Variants in HS3ST5 observed in about 807,000 individuals in gnomAD.
The protein encoded by HS3ST5 is heparan sulfate-glucosamine 3-sulfotransferase 5, also known as heparan sulfate glucosamine 3-O-sulfotransferase 5.
A neutral mutation model predicts 25.4 loss-of-function variants in HS3ST5; 10 were observed. The observed-to-expected ratio is 0.39, with a 90% CI of 0.24 to 0.67. HS3ST5 has a LOEUF of 0.67. Among genes scored for constraint, HS3ST5 ranks in the 30% least tolerant of loss-of-function variants. The pLI, the probability that HS3ST5 is intolerant of heterozygous loss-of-function variation, is 0.44. For missense variants in HS3ST5, 324 were observed against 420.7 expected (o/e 0.77, Z 2.01); for synonymous variants, 170 against 162.4 (o/e 1.05, Z -0.36).
chr6:114,104,974 GAA>G (rs1035985765), intron 3 of HS3ST5, among the ~76,000 whole-genome samples: 1 of 146,162 alleles, frequency 6.8e-6, no homozygotes, highest in Non-Finnish European at 1.5e-5. Context: ...ACAGAAAAAG[GAA>G]AAAAAAAAGT....
At chr6:114,171,965 C>G (rs1474506468) in intron 2 of HS3ST5, among the ~76,000 whole-genome samples, 1 of 152,150 alleles carries the variant, frequency 6.6e-6, no homozygotes, top group African/African-American at 2.4e-5. Flanking sequence ...GCAGAATTCT[C>G]TAATATTTTA....
intron 3 of HS3ST5, among the ~76,000 whole-genome samples, chr6:114,154,843 T>G (rs1387504372): frequency 6.6e-6 from 1 of 152,186 alleles, no homozygotes; most frequent in Non-Finnish European, 1.5e-5. Context: ...ATCTCACTGA[T>G]AAGTCTTCCC....
chr6:114,190,407 T>C (rs1031243903), intron 2 of HS3ST5, among the ~76,000 whole-genome samples: 4 of 152,196 alleles, frequency 2.6e-5, no homozygotes, highest in Admixed American at 2.0e-4. Flanking sequence ...CATGATTACA[T>C]CTGCTTTCCA....
chr6:114,105,832 T>C (rs937284062), intron 3 of HS3ST5, among the ~76,000 whole-genome samples: 22 of 152,168 alleles, frequency 1.4e-4, no homozygotes, highest in African/African-American at 5.1e-4. Flanking sequence ...AAATAGAGCA[T>C]TTTGGGGTAA....
At chr6:114,174,404 T>A (rs1295892391) in intron 2 of HS3ST5, among the ~76,000 whole-genome samples, 2 of 151,370 alleles carry the variant, frequency 1.3e-5, no homozygotes, top group Non-Finnish European at 3.0e-5. Flanking sequence ...ACAATGTCTA[T>A]TTTTTTTACT....
chr6:114,325,917 G>A (rs2114897544), intron 1 of HS3ST5, among the ~76,000 whole-genome samples: 1 of 152,268 alleles, frequency 6.6e-6, no homozygotes, highest in East Asian at 1.9e-4. Context: ...CTCTGTGCCA[G>A]GCAATATTTT....
intron 3 of HS3ST5, among the ~76,000 whole-genome samples, chr6:114,117,082 C>G (rs1419085067): frequency 6.6e-6 from 1 of 152,102 alleles, no homozygotes; most frequent in Admixed American, 6.6e-5. Context: ...ATTCCTCCCC[C>G]TCCCCATTCC....
intron 3 of HS3ST5, among the ~76,000 whole-genome samples, chr6:114,115,481 C>T (rs1776476338): frequency 6.6e-6 from 1 of 152,008 alleles, no homozygotes; most frequent in African/African-American, 2.4e-5. Context: ...ACATATCTGT[C>T]CTATCATTAT....
At chr6:114,178,880 A>G (rs1779841248) in intron 2 of HS3ST5, 1 of 152,232 alleles carries the variant, frequency 6.6e-6, no homozygotes, top group Admixed American at 6.5e-5. Flanking sequence ...GGTTAAAAAA[A>G]AAAAGAAGGG....
At chr6:114,101,601 G>A (rs961147593) in intron 3 of HS3ST5, among the ~76,000 whole-genome samples, 14 of 150,266 alleles carry the variant, frequency 9.3e-5, no homozygotes, top group African/African-American at 3.4e-4. Flanking sequence ...ACTGCTGATG[G>A]GAATGTAAAT....
At chr6:114,293,071 G>A (rs551821611) in intron 1 of HS3ST5, among the ~76,000 whole-genome samples, 36 of 152,170 alleles carry the variant, frequency 2.4e-4, no homozygotes, top group Non-Finnish European at 3.2e-4. Context: ...GAGGTGCACC[G>A]TGCACAGGAG....
At chr6:114,257,686 C>T (rs1324455482) in intron 1 of HS3ST5, among the ~76,000 whole-genome samples, 1 of 152,172 alleles carries the variant, frequency 6.6e-6, no homozygotes, top group Non-Finnish European at 1.5e-5. Context: ...CCACATCTGT[C>T]TTTAATCCCT....
chr6:114,283,631 A>T (rs1022007173), intron 1 of HS3ST5, among the ~76,000 whole-genome samples: 3 of 151,774 alleles, frequency 2.0e-5, no homozygotes, highest in African/African-American at 4.9e-5. Flanking sequence ...CACAATGCAG[A>T]CAGTCAAATT....
At chr6:114,340,356 T>A (rs1312393552) in intron 1 of HS3ST5, among the ~76,000 whole-genome samples, 1 of 152,270 alleles carries the variant, frequency 6.6e-6, no homozygotes, top group Non-Finnish European at 1.5e-5. Flanking sequence ...TGTTTCTATA[T>A]GTTTTATTAA....
chr6:114,166,165 G>A (rs1779200577), intron 3 of HS3ST5, among the ~76,000 whole-genome samples: 1 of 151,324 alleles, frequency 6.6e-6, no homozygotes. Flanking sequence ...TCACCTAAAG[G>A]TAGTTTCCTT....
chr6:114,249,349 A>T (rs754723812), intron 1 of HS3ST5, among the ~76,000 whole-genome samples: 2 of 152,216 alleles, frequency 1.3e-5, no homozygotes, highest in South Asian at 4.1e-4. Context: ...TACCTTACTC[A>T]ATCATGCATT....
chr6:114,289,469 T>C (rs1200816025), intron 1 of HS3ST5, among the ~76,000 whole-genome samples: 3 of 152,162 alleles, frequency 2.0e-5, no homozygotes, highest in Admixed American at 6.5e-5. Context: ...TCATTATTTT[T>C]AAATGGCCCC....
chr6:114,302,145 G>C (rs1192660861), intron 1 of HS3ST5, among the ~76,000 whole-genome samples: 1 of 152,086 alleles, frequency 6.6e-6, no homozygotes, highest in Non-Finnish European at 1.5e-5. Flanking sequence ...CAGTTTTGCA[G>C]GAGTCACACA....
At chr6:114,174,397 A>G (rs918214947) in intron 2 of HS3ST5, among the ~76,000 whole-genome samples, 1 of 151,876 alleles carries the variant, frequency 6.6e-6, no homozygotes, top group Non-Finnish European at 1.5e-5. Flanking sequence ...GGCTAAGACA[A>G]TGTCTATTTT....
Sources: allele counts gnomAD v4.1 joint callset (sites outside exome capture counted in the v4.1 genomes callset), GRCh38; gene constraint gnomAD v4.1.1; transcripts MANE v1.5; gene names NCBI Gene and HGNC (gene_info 2026-07-23, HGNC 2026-07-21).